HDAC8: variants seen among roughly 807,000 people sequenced by gnomAD.
The protein encoded by HDAC8 is histone deacetylase 8, also known as histone deacetylase-like 1.
HDAC8 carries 1 observed loss-of-function variant against 32.2 expected under a neutral mutation model. The observed-to-expected ratio is 0.03, with a 90% confidence interval of 0.01 to 0.15. The LOEUF (loss-of-function observed/expected upper bound fraction) is 0.15, where lower values mean the gene tolerates loss of function less well. Ranked by LOEUF, HDAC8 falls within the 10% of genes least tolerant of loss-of-function variation. The pLI is 1.00. For missense variants in HDAC8, 117 were observed against 300.0 expected (o/e 0.39, Z 4.51); for synonymous variants, 108 against 113.9 (o/e 0.95, Z 0.33).
chrX:72,402,456 A>G (rs1555967687), intron 9 of HDAC8, among the ~76,000 whole-genome samples: 2 of 98,532 alleles, frequency 2.0e-5, no homozygotes, highest in Non-Finnish European at 4.0e-5. Context: ...AAAGTTATCA[A>G]TTTGAGATTT....
intron 7 of HDAC8, among the ~76,000 whole-genome samples, chrX:72,482,158 C>T (rs1461250416): frequency 9.0e-6 from 1 of 111,330 alleles, no homozygotes; most frequent in Non-Finnish European, 1.9e-5. Context: ...ACCCTTTATG[C>T]AGATATGGCC....
intron 9 of HDAC8, among the ~76,000 whole-genome samples, chrX:72,381,816 A>G (rs1432487811): frequency 2.7e-5 from 3 of 112,492 alleles, no homozygotes; most frequent in Non-Finnish European, 5.6e-5. Flanking sequence ...TCCTATTTAA[A>G]GCAAAGAAAA....
At chrX:72,498,923 A>G (rs1464282578) in intron 4 of HDAC8, among the ~76,000 whole-genome samples, 1 of 111,419 alleles carries the variant, frequency 9.0e-6, no homozygotes, top group East Asian at 2.8e-4. Context: ...TATCCCTTAC[A>G]AATGGCTTGG....
chrX:72,483,821 T>C (rs1306482539), intron 7 of HDAC8, among the ~76,000 whole-genome samples: 1 of 111,522 alleles, frequency 9.0e-6, no homozygotes, highest in African/African-American at 3.3e-5. Context: ...GATACTATAA[T>C]TTTTTTCTTC....
chrX:72,428,284 G>A (rs1178130799), intron 9 of HDAC8, among the ~76,000 whole-genome samples: 1 of 111,920 alleles, frequency 8.9e-6, no homozygotes, highest in East Asian at 2.8e-4. Flanking sequence ...AGTAGAGACG[G>A]GGTTTCACCA....
intron 4 of HDAC8, among the ~76,000 whole-genome samples, chrX:72,558,731 C>T (rs1556104569): frequency 9.1e-6 from 1 of 110,229 alleles, no homozygotes; most frequent in African/African-American, 3.3e-5. Flanking sequence ...TACTGGAAGT[C>T]CTAGTCAGAG....
intron 9 of HDAC8, among the ~76,000 whole-genome samples, chrX:72,442,390 T>C (rs2047186091): frequency 1.8e-5 from 2 of 111,443 alleles, no homozygotes; most frequent in South Asian, 7.5e-4. Context: ...TCAACATTCT[T>C]AAAGAAAAGA....
At chrX:72,493,567 A>G (rs887564566) in intron 5 of HDAC8, among the ~76,000 whole-genome samples, 24 of 112,037 alleles carry the variant, frequency 2.1e-4, no homozygotes, top group Non-Finnish European at 3.8e-5. Flanking sequence ...GCTAAATAGT[A>G]AACATTTTCG....
intron 9 of HDAC8, among the ~76,000 whole-genome samples, chrX:72,439,726 A>C (rs995269414): frequency 9.0e-6 from 1 of 110,882 alleles, no homozygotes; most frequent in East Asian, 2.8e-4. Flanking sequence ...AAAGACAAAG[A>C]AGGGCATTAC....
At chrX:72,535,439 C>T in intron 4 of HDAC8, among the ~76,000 whole-genome samples, 1 of 110,792 alleles carries the variant, frequency 9.0e-6, no homozygotes, top group East Asian at 2.8e-4. Context: ...CCTTGTGTCT[C>T]TCCTTCTCTC....
intron 10 of HDAC8, among the ~76,000 whole-genome samples, chrX:72,345,550 C>G (rs1410336409): frequency 1.8e-5 from 2 of 111,647 alleles, no homozygotes; most frequent in Admixed American, 1.9e-4. Context: ...TCAGTAGTTC[C>G]CACTTCACAG....
chrX:72,504,956 C>T (rs1159229993), intron 4 of HDAC8, among the ~76,000 whole-genome samples: 1 of 111,519 alleles, frequency 9.0e-6, no homozygotes, highest in East Asian at 2.8e-4. Flanking sequence ...TTCCTGATGA[C>T]TAATGATGTC....
intron 9 of HDAC8, among the ~76,000 whole-genome samples, chrX:72,354,371 C>T (rs1284939938): frequency 8.9e-6 from 1 of 112,502 alleles, no homozygotes; most frequent in African/African-American, 3.2e-5. Context: ...TACATGGCAG[C>T]TGGCTGGCCT....
At chrX:72,514,334 A>T (rs1426824411) in intron 4 of HDAC8, among the ~76,000 whole-genome samples, 2 of 112,132 alleles carry the variant, frequency 1.8e-5, no homozygotes, top group Admixed American at 1.9e-4. Flanking sequence ...TTATAGTGAC[A>T]GGCACATGTA....
At chrX:72,445,915 C>G (rs2147999192) in intron 9 of HDAC8, among the ~76,000 whole-genome samples, 1 of 112,001 alleles carries the variant, frequency 8.9e-6, no homozygotes, top group East Asian at 2.8e-4. Context: ...ATTTATGCAG[C>G]CAAAAAACAC....
intron 3 of HDAC8, among the ~76,000 whole-genome samples, chrX:72,568,309 AC>A (rs1267758056): frequency 1.8e-5 from 2 of 112,151 alleles, no homozygotes; most frequent in African/African-American, 6.5e-5. Flanking sequence ...CAGGCTTGGG[AC>A]CCAGCTCTGT....
At chrX:72,559,163 A>G (rs1172633936) in intron 4 of HDAC8, among the ~76,000 whole-genome samples, 1 of 98,810 alleles carries the variant, frequency 1.0e-5, no homozygotes, top group Non-Finnish European at 2.0e-5. Context: ...GCTCACTGCA[A>G]CCTCCCTGCC....
chrX:72,369,280 C>T (rs782789143), intron 9 of HDAC8, among the ~76,000 whole-genome samples: 2 of 111,438 alleles, frequency 1.8e-5, no homozygotes, highest in Non-Finnish European at 3.8e-5. Context: ...GGCTCAGCAT[C>T]ATAGCTTCTA....
intron 9 of HDAC8, among the ~76,000 whole-genome samples, chrX:72,405,013 G>A (rs2046000928): frequency 9.0e-6 from 1 of 110,560 alleles, no homozygotes; most frequent in African/African-American, 3.3e-5. Flanking sequence ...GTGCAGGTTT[G>A]TTATTGAGGA....
Sources: allele counts gnomAD v4.1 joint callset (sites outside exome capture counted in the v4.1 genomes callset), GRCh38; gene constraint gnomAD v4.1.1; transcripts MANE v1.5; gene names NCBI Gene and HGNC (gene_info 2026-07-23, HGNC 2026-07-21).